Variants in SND1 observed in about 807,000 individuals in gnomAD.
SND1 encodes staphylococcal nuclease domain-containing protein 1.
A neutral mutation model predicts 121.7 loss-of-function variants in SND1; 38 were observed. The ratio of observed to expected loss-of-function variants is 0.31; its 90% confidence interval spans 0.24 to 0.41. The LOEUF (loss-of-function observed/expected upper bound fraction) is 0.41, where lower values mean the gene tolerates loss of function less well. Among genes scored for constraint, SND1 ranks in the 10% least tolerant of loss-of-function variants. The pLI is 1.00. For missense variants in SND1, 868 were observed against 1,184.6 expected (o/e 0.73, Z 3.92); for synonymous variants, 401 against 447.4 (o/e 0.90, Z 1.31).
intron 15 of SND1, among the ~76,000 whole-genome samples, chr7:127,934,865 C>T (rs543612678): frequency 1.3e-5 from 2 of 152,244 alleles, no homozygotes; most frequent in South Asian, 2.1e-4. Context: ...GACAGGTTTA[C>T]AAGGAGTAAG....
intron 11 of SND1, among the ~76,000 whole-genome samples, chr7:127,825,632 C>A (rs1263916871): frequency 1.3e-5 from 2 of 151,606 alleles, no homozygotes; most frequent in Non-Finnish European, 2.9e-5. Context: ...GTCTTGAACT[C>A]CCGACTTCAG....
chr7:127,703,141 TC>T, intron 6 of SND1, 23 bp from the exon 7 acceptor site: 2 of 1,613,958 alleles, frequency 1.2e-6, no homozygotes, highest in Non-Finnish European at 1.7e-6. Context: ...GCTGCATTAC[TC>T]ACCTACCTTG....
intron 11 of SND1, among the ~76,000 whole-genome samples, chr7:127,808,208 T>C (rs897586134): frequency 2.0e-5 from 3 of 149,480 alleles, no homozygotes; most frequent in Non-Finnish European, 3.0e-5. Flanking sequence ...TGTTGCCTAG[T>C]CTGGAGTGCA....
chr7:127,786,598 C>A (rs1797816082), intron 10 of SND1, among the ~76,000 whole-genome samples: 1 of 152,054 alleles, frequency 6.6e-6, no homozygotes, highest in Non-Finnish European at 1.5e-5. Flanking sequence ...CTATAGATTT[C>A]TTTGCTGCAT....
chr7:127,800,515 G>A (rs1798106870), intron 10 of SND1, among the ~76,000 whole-genome samples: 1 of 152,118 alleles, frequency 6.6e-6, no homozygotes, highest in African/African-American at 2.4e-5. Flanking sequence ...GAAAAGAATG[G>A]CCAGTTATTC....
chr7:128,054,536 G>C (rs1239851028), intron 16 of SND1, among the ~76,000 whole-genome samples: 1 of 152,196 alleles, frequency 6.6e-6, no homozygotes, highest in Non-Finnish European at 1.5e-5. Flanking sequence ...TTGCACGGAG[G>C]TTGGCATTAG....
chr7:127,781,277 A>G (rs1156487265), intron 10 of SND1, among the ~76,000 whole-genome samples: 1 of 152,226 alleles, frequency 6.6e-6, no homozygotes, highest in Non-Finnish European at 1.5e-5. Flanking sequence ...AGTTCACCAT[A>G]GAAGTAATAC....
chr7:127,824,035 A>C (rs1798599520), intron 11 of SND1, among the ~76,000 whole-genome samples: 1 of 152,246 alleles, frequency 6.6e-6, no homozygotes, highest in South Asian at 2.1e-4. Context: ...TGACGACAAC[A>C]AAATGAAGCA....
chr7:127,705,076 C>G (rs1302109333), intron 8 of SND1, 131 bp downstream of exon 8: 1 of 708,560 alleles, frequency 1.4e-6, no homozygotes, highest in Non-Finnish European at 2.5e-6. Flanking sequence ...AGGGCAGTTC[C>G]TTATAGAGGA....
At chr7:127,776,466 GAA>G (rs897693742) in intron 10 of SND1, among the ~76,000 whole-genome samples, 3 of 151,956 alleles carry the variant, frequency 2.0e-5, no homozygotes, top group Admixed American at 2.0e-4. Flanking sequence ...ATATAAAAAT[GAA>G]AAAGTTCTGC....
intron 15 of SND1, among the ~76,000 whole-genome samples, chr7:127,936,795 C>G (rs1380352198): frequency 5.3e-5 from 8 of 152,262 alleles, no homozygotes; most frequent in African/African-American, 1.9e-4. Context: ...AGTCCTCTTG[C>G]CTTAGTCTCC....
At chr7:128,035,974 C>A (rs931726745) in intron 16 of SND1, among the ~76,000 whole-genome samples, 3 of 152,168 alleles carry the variant, frequency 2.0e-5, no homozygotes, top group Admixed American at 6.5e-5. Context: ...ATCGTTTTGC[C>A]ACCAAATAGG....
At chr7:127,845,177 A>G (rs1799036706) in intron 12 of SND1, among the ~76,000 whole-genome samples, 1 of 152,238 alleles carries the variant, frequency 6.6e-6, no homozygotes, top group Admixed American at 6.5e-5. Context: ...CAAAACAAGG[A>G]TTGTGTTACT....
intron 10 of SND1, among the ~76,000 whole-genome samples, chr7:127,760,469 T>C (rs1408421814): frequency 6.6e-6 from 1 of 152,208 alleles, no homozygotes; most frequent in African/African-American, 2.4e-5. Flanking sequence ...TTGTTTGCTT[T>C]CAAGAGGAAT....
chr7:127,786,894 G>A (rs572378617), intron 10 of SND1, among the ~76,000 whole-genome samples: 2 of 152,192 alleles, frequency 1.3e-5, no homozygotes, highest in South Asian at 4.1e-4. Context: ...CGCCCATCTC[G>A]GCCTCCCAAA....
intron 8 of SND1, among the ~76,000 whole-genome samples, chr7:127,707,024 A>G (rs1299085051): frequency 6.6e-6 from 1 of 152,238 alleles, no homozygotes; most frequent in African/African-American, 2.4e-5. Flanking sequence ...TACTGGGCAT[A>G]ATACTTCAAA....
chr7:127,748,545 A>G (rs1486250947), intron 10 of SND1, among the ~76,000 whole-genome samples: 1 of 152,246 alleles, frequency 6.6e-6, no homozygotes, highest in African/African-American at 2.4e-5. Context: ...AGTAGGAAAG[A>G]GATGAAATAT....
rs1477445658 is a variant in SND1, at chr7:128,015,980, A to T, written c.1779+24924A>T. Among the ~76,000 whole-genome samples the T allele has an allele frequency of 1.7e-4, 26 of 152,156 alleles. No homozygotes were observed. Among genetic ancestry groups the T allele is most frequent in the Non-Finnish European group, 1.5e-5 (1 of 68,022 alleles). ...TACATTTGGGTCATCTGCAAACCAAAGCGATCTCAGCAGCTGCTGGAATGC... is the reference window on the plus strand; with the variant it reads ...TACATTTGGGTCATCTGCAAACCAATGCGATCTCAGCAGCTGCTGGAATGC... On this transcript the variant is annotated intron_variant, in intron 16 of 23. Coordinates refer to ENST00000354725, the MANE Select transcript of SND1 (RefSeq NM_014390.4). This position sits in a 1 kb window ranked among gnomAD's most constrained non-coding sequence, Gnocchi z 4.5.
At chr7:127,669,547 C>T (rs761716196) in intron 1 of SND1, among the ~76,000 whole-genome samples, 28 of 152,138 alleles carry the variant, frequency 1.8e-4, no homozygotes, top group Non-Finnish European at 2.5e-4. Flanking sequence ...GCTTGGTGTC[C>T]GAGCAAATTC....
Sources: gnomAD v4.1 joint callset for allele counts (sites outside exome capture counted in the v4.1 genomes callset) on GRCh38, gnomAD v4.1.1 for gene constraint, Gnocchi (gnomAD v3.1) non-coding constraint, MANE v1.5 for transcripts, NCBI Gene and HGNC (gene_info 2026-07-23, HGNC 2026-07-21) for gene names.